The following TRMT2B variants were observed in gnomAD, a reference collection of about 807,000 sequenced individuals.
The protein encoded by TRMT2B is tRNA (uracil-5-)-methyltransferase homolog B.
A neutral mutation model predicts 39.7 loss-of-function variants in TRMT2B; 34 were observed. That is an observed-to-expected ratio of 0.86 (90% CI 0.65 to 1.14). The LOEUF is 1.14. Among genes scored for constraint, TRMT2B ranks in the 50% most tolerant of loss-of-function variants. TRMT2B has a pLI of 0.00. For missense variants in TRMT2B, 318 were observed against 377.2 expected, an observed-to-expected ratio of 0.84 and a Z score of 1.30; for synonymous variants, 132 against 137.3, an observed-to-expected ratio of 0.96 and a Z score of 0.27.
At chrX:101,022,505 C>G (rs377585879) in intron 8 of TRMT2B, among the ~76,000 whole-genome samples, 1 of 110,216 alleles carries the variant, frequency 9.1e-6, no homozygotes, top group East Asian at 2.8e-4. Context: ...CCTGTAATCC[C>G]AGCTACTTGG....
At chrX:100,997,809 T>C in the TRMT2B span, among the ~76,000 whole-genome samples, 1 of 112,478 alleles carries the variant, frequency 8.9e-6, no homozygotes. Context: ...CTTGTCTGCT[T>C]TCTATGCTTC....
In TRMT2B at chrX:101,037,796, A is replaced by G. The variant is rs1016932194; in HGVS notation, c.438+121T>C. On this transcript the variant is annotated intron_variant, in intron 5 of 13. Transcript: ENST00000372936. ...TTATTATAAACAGTAAAATGTGACA[A>G]TGATGCATGATAATAATTTAGCATA... 6 of 711,945 alleles carry G rather than the reference A, an allele frequency of 8.4e-6. No individual in the cohort carries two copies. In the African/African-American group the frequency reaches 1.3e-4, roughly 16 times the overall value. The allele number at this position is 711,945 out of a possible 1,213,427, so 58.7% of individuals were successfully genotyped here.
At chrX:100,984,766 A>C in the TRMT2B span, among the ~76,000 whole-genome samples, 4 of 112,234 alleles carry the variant, frequency 3.6e-5, no homozygotes, top group South Asian at 1.5e-3. Context: ...GAGAGAGAGA[A>C]GTGAGAAGTG....
rs1175674497 is a variant in TRMT2B at position 101,038,183 on chromosome X, C to G, written c.304-132G>C. 5.9e-6 allele frequency: 3 copies of G among 507,128 alleles called. No individual in the cohort carries two copies. In the East Asian group the frequency reaches 1.2e-4, roughly 20 times the overall value. The allele number at this position is 507,128 out of a possible 1,213,427, so 41.8% of individuals were successfully genotyped here. A position where few individuals can be genotyped will look rare whatever the true frequency, so the allele number is the denominator to read the frequency against. On this transcript the variant is annotated intron_variant, in intron 4 of 13. Coordinates refer to ENST00000372936, the MANE Select transcript of TRMT2B (RefSeq NM_024917.6). ...AGGAGTTCGAGACCAGCCTGACCAA[C>G]ATGAAGAAATCCTGTCTCTATTGAA...
chrX:101,018,351 G>T (rs1440893376), intron 13 of TRMT2B, among the ~76,000 whole-genome samples: 3 of 107,907 alleles, frequency 2.8e-5, no homozygotes, highest in African/African-American at 1.0e-4. Flanking sequence ...CAAAAGAAAA[G>T]AAAATATTGC....
rs1165043861 is a variant in TRMT2B at position 101,050,774 on chromosome X, TG to T, written c.-24+476del. 2.7e-5 allele frequency among the ~76,000 whole-genome samples: 3 copies of T among 109,385 alleles called. No homozygotes were observed. The East Asian group carries it at 8.6e-4, about 31-fold the overall frequency. 95.0% of individuals were successfully genotyped at this position (109,385 alleles called of 115,157 possible). On this transcript the variant is annotated intron_variant, in intron 2 of 13. Transcript: ENST00000372936. ...ATAAATGCTTGGGGGCCAGGCTCGG[TG>T]GCTCTCGCTTGTAATCCCAGCACTT... is the stretch of plus-strand genomic sequence containing the variant.
the TRMT2B span, among the ~76,000 whole-genome samples, chrX:100,982,422 G>A: frequency 2.7e-5 from 3 of 110,211 alleles, no homozygotes; most frequent in South Asian, 7.7e-4. Flanking sequence ...AACTCGGGAG[G>A]CAAAGGGTGT....
chrX:100,994,404 A>G, the TRMT2B span, among the ~76,000 whole-genome samples: 1 of 111,930 alleles, frequency 8.9e-6, no homozygotes, highest in Non-Finnish European at 1.9e-5. Context: ...ACCCTGGCCT[A>G]TCATTCACTC....
At chrX:101,037,133 C>T in intron 5 of TRMT2B, 60 bp from the exon 6 acceptor site, 1 of 899,218 alleles carries the variant, frequency 1.1e-6, no homozygotes, top group Non-Finnish European at 1.6e-6. Context: ...AGGAAGATAA[C>T]AATAAAGGGA....
chrX:101,006,185 G>A (rs922769655), downstream of TRMT2B, among the ~76,000 whole-genome samples: 1 of 110,637 alleles, frequency 9.0e-6, no homozygotes, highest in Non-Finnish European at 1.9e-5. Context: ...AGCCGAGATC[G>A]CGCTGCTGCA....
At chrX:101,049,651 G>C (rs1026932444) in intron 2 of TRMT2B, among the ~76,000 whole-genome samples, 75 of 109,767 alleles carry the variant, frequency 6.8e-4, no homozygotes, top group African/African-American at 2.2e-3. Context: ...AAATTAGCTG[G>C]GTGTGGTGGC....
chrX:100,983,438 C>T, the TRMT2B span, among the ~76,000 whole-genome samples: 8 of 110,486 alleles, frequency 7.2e-5, no homozygotes, highest in Admixed American at 1.9e-4. Flanking sequence ...CTCACTGCAA[C>T]CTCTGCCTCC....
At chrX:101,047,809 A>C (rs1480807683) in intron 2 of TRMT2B, among the ~76,000 whole-genome samples, 1 of 109,792 alleles carries the variant, frequency 9.1e-6, no homozygotes, top group Non-Finnish European at 1.9e-5. Flanking sequence ...ACTGGGCGAC[A>C]GAGCGAGACT....
At chrX:100,978,359 T>C in the TRMT2B span, among the ~76,000 whole-genome samples, 1 of 111,803 alleles carries the variant, frequency 8.9e-6, no homozygotes, top group Non-Finnish European at 1.9e-5. Context: ...TTAGCTCTAA[T>C]AATATTTGCT....
At chrX:100,993,740 ACAAT>A in the TRMT2B span, among the ~76,000 whole-genome samples, 1 of 111,965 alleles carries the variant, frequency 8.9e-6, no homozygotes, top group African/African-American at 3.2e-5. Flanking sequence ...TCCTCCCAAT[ACAAT>A]CAGTGTACCC....
At position 101,051,820 on chromosome X, in the gene TRMT2B, A is replaced by C; in HGVS notation, c.-510T>G. 1.8e-5 allele frequency: 9 copies of C among 487,387 alleles called. No homozygotes were observed. Among genetic ancestry groups the C allele is most frequent in the Non-Finnish European group, 1.8e-5 (7 of 395,022 alleles). The allele number at this position is 487,387 out of a possible 1,213,427, so 40.2% of individuals were successfully genotyped here. A position where few individuals can be genotyped will look rare whatever the true frequency, so the allele number is the denominator to read the frequency against. On this transcript the variant is annotated 5_prime_UTR_variant, in exon 1 of 14. Transcript: ENST00000372936. ...ACCAATAAATCCTCTTACAAACCTG[A>C]GGCGGCAAACTAAAAGGCCAGCGGA...
chrX:101,015,557 T>C (rs781113501), intron 13 of TRMT2B: 25 of 551,198 alleles, frequency 4.5e-5, no homozygotes, highest in Non-Finnish European at 5.5e-5. Flanking sequence ...CTTTATAATA[T>C]TGCCTTTTCA....
the TRMT2B span, among the ~76,000 whole-genome samples, chrX:100,992,311 G>A: frequency 9.0e-6 from 1 of 111,730 alleles, no homozygotes; most frequent in Non-Finnish European, 1.9e-5. Flanking sequence ...AATGCTGGCC[G>A]GGTGCAGTGG....
the TRMT2B span, among the ~76,000 whole-genome samples, chrX:100,984,740 T>C: frequency 8.9e-6 from 1 of 111,791 alleles, no homozygotes; most frequent in African/African-American, 3.3e-5. Flanking sequence ...CAACAGACCA[T>C]GTGCTCAACA....
Sources: allele counts gnomAD v4.1 joint callset (sites outside exome capture counted in the v4.1 genomes callset), GRCh38; gene constraint gnomAD v4.1.1; transcripts MANE v1.5; gene names NCBI Gene and HGNC (gene_info 2026-07-23, HGNC 2026-07-21).